CELF4: variants seen among roughly 807,000 people sequenced by gnomAD.
CELF4 encodes the protein CUGBP Elav-like family member 4, also known as CUG-BP- and ETR-3-like factor 4.
Under a neutral mutation model 59.9 loss-of-function variants are expected in CELF4, and 18 were observed. The observed-to-expected ratio is 0.30, with a 90% CI of 0.21 to 0.45. The LOEUF (loss-of-function observed/expected upper bound fraction) is 0.45, where lower values mean the gene tolerates loss of function less well. CELF4 is among the 20% of genes least tolerant of loss of function. The pLI is 1.00. For missense variants in CELF4, 456 were observed against 689.0 expected (o/e 0.66, Z 3.79); for synonymous variants, 261 against 267.1 (o/e 0.98, Z 0.22).
chr18:37,345,297 G>C (rs2098212678), intron 2 of CELF4, among the ~76,000 whole-genome samples: 1 of 152,204 alleles, frequency 6.6e-6, no homozygotes, highest in Non-Finnish European at 1.5e-5. Context: ...TTCCGCAAAA[G>C]ACCCTAAATG....
At chr18:37,467,799 C>CA (rs1397063428) in intron 2 of CELF4, among the ~76,000 whole-genome samples, 1 of 152,232 alleles carries the variant, frequency 6.6e-6, no homozygotes, top group Non-Finnish European at 1.5e-5. Context: ...TAAAGAGCTA[C>CA]ATTCTCTTTC....
intron 2 of CELF4, among the ~76,000 whole-genome samples, chr18:37,482,737 G>A (rs964120354): frequency 1.3e-5 from 2 of 152,232 alleles, no homozygotes; most frequent in Non-Finnish European, 1.5e-5. Context: ...TCATAGTGAC[G>A]GTGGTGGTGT....
intron 3 of CELF4, among the ~76,000 whole-genome samples, chr18:37,318,379 A>C (rs1603458132): frequency 2.8e-5 from 4 of 143,900 alleles, no homozygotes; most frequent in South Asian, 2.3e-4. Flanking sequence ...CACCTCCTCC[A>C]CCCCTCTCCC....
chr18:37,249,162 T>C (rs570894092), intron 12 of CELF4, among the ~76,000 whole-genome samples: 2 of 152,078 alleles, frequency 1.3e-5, no homozygotes, highest in South Asian at 2.1e-4. Flanking sequence ...TCAGGGACCG[T>C]CCCATGCCCA....
chr18:37,277,055 G>A (rs2154369930), intron 3 of CELF4, among the ~76,000 whole-genome samples: 1 of 152,326 alleles, frequency 6.6e-6, no homozygotes, highest in East Asian at 1.9e-4. Flanking sequence ...TCTGTCCCAG[G>A]TTCTGAAGCA....
At chr18:37,275,075 C>T (rs776986094) in intron 4 of CELF4, 40 bp downstream of exon 4, 4 of 1,606,920 alleles carry the variant, frequency 2.5e-6, no homozygotes, top group Non-Finnish European at 3.4e-6. Context: ...CCGCCTCGCC[C>T]CTCCCTCCGG....
chr18:37,445,229 C>A (rs1244451686), intron 2 of CELF4, among the ~76,000 whole-genome samples: 1 of 152,174 alleles, frequency 6.6e-6, no homozygotes, highest in Non-Finnish European at 1.5e-5. Context: ...AGACCCTGGG[C>A]TGCAGAAGCG....
intron 2 of CELF4, among the ~76,000 whole-genome samples, chr18:37,388,660 A>G (rs2154574792): frequency 6.6e-6 from 1 of 152,168 alleles, no homozygotes; most frequent in African/African-American, 2.4e-5. Flanking sequence ...GCCATACGAG[A>G]AGTAGTTATT....
Position 37,253,685 on chromosome 18 carries a change from G to T in CELF4, c.*44+82C>A. The stretch of plus-strand genomic sequence containing the variant: ...GGTCCAAGGCACCAGTGAGGGTCCG[G>T]CCCACGGAGGCCGGAGGAGGCGGCG... On this transcript the variant is annotated intron_variant, in intron 12 of 12. Transcript: ENST00000420428. This position sits in a 1 kb window ranked among gnomAD's most constrained non-coding sequence, Gnocchi z 4.5. The T allele has an allele frequency of 9.1e-7, 1 of 1,100,590 alleles. No individual in the cohort carries two copies. Among genetic ancestry groups the T allele is most frequent in the Non-Finnish European group, 1.2e-6 (1 of 804,996 alleles). 68.2% of individuals were successfully genotyped at this position (1,100,590 alleles called of 1,614,324 possible). A position where few individuals can be genotyped will look rare whatever the true frequency, so the allele number is the denominator to read the frequency against.
At chr18:37,479,974 T>C (rs12150797) in intron 2 of CELF4, among the ~76,000 whole-genome samples, 83,764 of 152,064 alleles carry the variant, frequency 0.55, 23,448 homozygotes, top group Admixed American at 0.65. Context: ...CTGAGGAATG[T>C]CTGAGGCTCC....
chr18:37,350,734 C>T (rs1000503125), intron 2 of CELF4, among the ~76,000 whole-genome samples: 11 of 152,212 alleles, frequency 7.2e-5, no homozygotes, highest in South Asian at 2.1e-4. Flanking sequence ...TTTATCTCTC[C>T]GAGTCTAGCA....
rs898691825 is a variant in CELF4, at chr18:37,512,440, C to G, written c.287-26833G>C. ...TCTCTTTCCTTTCTCCCTCCTCCCC[C>G]TTTTTCCTTCTTTTCCTTTCTCTTC... is the stretch of plus-strand genomic sequence containing the variant. On this transcript the variant is annotated intron_variant, in intron 1 of 12. Coordinates refer to ENST00000420428, the MANE Select transcript of CELF4 (RefSeq NM_020180.4). 4.0e-5 allele frequency among the ~76,000 whole-genome samples: 6 copies of G among 151,564 alleles called. No individual in the cohort carries two copies. The South Asian group carries it at 1.3e-3, about 32-fold the overall frequency.
At chr18:37,368,985 C>T (rs970256610) in intron 2 of CELF4, among the ~76,000 whole-genome samples, 1 of 152,176 alleles carries the variant, frequency 6.6e-6, no homozygotes, top group Non-Finnish European at 1.5e-5. Flanking sequence ...TCCGGGGGAT[C>T]GGCCTCCTGG....
chr18:37,507,865 G>T (rs1353739261), intron 1 of CELF4, among the ~76,000 whole-genome samples: 1 of 152,082 alleles, frequency 6.6e-6, no homozygotes, highest in African/African-American at 2.4e-5. Context: ...GCCCACATCT[G>T]CCCATCCTCC....
intron 2 of CELF4, among the ~76,000 whole-genome samples, chr18:37,409,669 G>T (rs535705792): frequency 9.9e-5 from 15 of 152,250 alleles, no homozygotes; most frequent in Non-Finnish European, 1.6e-4. Context: ...AAGAGAATGG[G>T]TGACAGAACC....
At chr18:37,338,007 ACTGCCACCACCACCACTGTCG>A (rs1216530715) in intron 2 of CELF4, among the ~76,000 whole-genome samples, 1 of 147,928 alleles carries the variant, frequency 6.8e-6, no homozygotes, top group Non-Finnish European at 1.5e-5. Flanking sequence ...CACTACTGTC[ACTGCCACCACCACCACTGTCG>A]CTGCCACCAT....
chr18:37,527,462 C>T (rs921062547), intron 1 of CELF4, among the ~76,000 whole-genome samples: 1 of 152,096 alleles, frequency 6.6e-6, no homozygotes, highest in Admixed American at 6.5e-5. Context: ...TCAAGGTTTA[C>T]GTGTAGTAAA....
Position 37,288,399 on chromosome 18 carries a change from C to T in CELF4, c.449-13156G>A, listed in dbSNP as rs375095709. On this transcript the variant is annotated intron_variant, in intron 3 of 12. Coordinates refer to ENST00000420428, the MANE Select transcript of CELF4 (RefSeq NM_020180.4). ...CATTCTCTTGGTCAAAGACCATGCC[C>T]TCAGAGAGGATGATGGCAGCACACA... Among the ~76,000 whole-genome samples, 5 of 152,348 alleles carry T rather than the reference C, an allele frequency of 3.3e-5. No homozygotes were observed. In the South Asian group the frequency reaches 1.0e-3, roughly 32 times the overall value.
intron 2 of CELF4, among the ~76,000 whole-genome samples, chr18:37,400,243 A>G (rs1329314225): frequency 2.0e-5 from 3 of 152,188 alleles, no homozygotes; most frequent in Non-Finnish European, 2.9e-5. Context: ...GCTCTGCCCT[A>G]TAGATTTCAG....
Sources: allele counts gnomAD v4.1 joint callset (sites outside exome capture counted in the v4.1 genomes callset), GRCh38; gene constraint gnomAD v4.1.1; non-coding constraint Gnocchi (gnomAD v3.1); transcripts MANE v1.5; gene names NCBI Gene and HGNC (gene_info 2026-07-23, HGNC 2026-07-21).